SUSD2: variants seen among roughly 807,000 people sequenced by gnomAD.
SUSD2 encodes sushi domain-containing protein 2.
SUSD2 carries 86 observed loss-of-function variants against 93.8 expected under a neutral mutation model. The observed-to-expected ratio is 0.92, with a 90% CI of 0.77 to 1.10. SUSD2 has a LOEUF of 1.10. Among genes scored for constraint, SUSD2 ranks in the 50% least tolerant of loss-of-function variants. The probability of loss-of-function intolerance (pLI) is 0.00; values close to 1 mark genes in which losing one functional copy is unlikely to be tolerated. For synonymous variants in SUSD2, 483 were observed against 485.0 expected (o/e 1.00, Z 0.05); for missense variants, 1,060 against 1,137.0 (o/e 0.93, Z 0.97).
intron 10 of SUSD2, chr22:24,186,939 A>G: frequency 1.8e-6 from 1 of 553,732 alleles, no homozygotes; most frequent in Non-Finnish European, 3.2e-6. Context: ...GCTGCAGCCA[A>G]GGCCAGAGGG....
intron 12 of SUSD2, 56 bp from the exon 13 acceptor site, chr22:24,187,903 G>A: frequency 6.2e-7 from 1 of 1,605,772 alleles, no homozygotes; most frequent in Non-Finnish European, 8.5e-7. Context: ...GGGGTGGCCA[G>A]ATGTGTGTAT....
intron 1 of SUSD2, among the ~76,000 whole-genome samples, chr22:24,181,919 G>A (rs768315550): frequency 1.3e-5 from 2 of 152,180 alleles, no homozygotes; most frequent in Non-Finnish European, 2.9e-5. Context: ...TCAGGGTGGG[G>A]CTGAATCCAG....
Position 24,183,238 on chromosome 22 carries a change from C to T in SUSD2, c.258C>T (p.Ser86=). 1 of 1,613,576 alleles carries T rather than the reference C, an allele frequency of 6.2e-7. No homozygotes were observed. Among genetic ancestry groups the T allele is most frequent in the South Asian group, 1.1e-5 (1 of 91,064 alleles). The change falls in exon 2 of 15, where the codon TCC becomes TCT. Residue 86 remains serine, a synonymous_variant. Transcript: ENST00000358321. The part of the protein sequence containing the change: ...KDFVVRHFKM[S]SPTDASVICR... ...TTGTGGTGCGGCACTTCAAGATGTCCAGCCCCACAGACGCCAGTGTGATCT... is the reference window on the plus strand; with the variant it reads ...TTGTGGTGCGGCACTTCAAGATGTCTAGCCCCACAGACGCCAGTGTGATCT...
chr22:24,184,173 G>C lies in SUSD2; in HGVS notation c.477G>C (p.Glu159Asp), dbSNP rs1380115753. The C allele has an allele frequency of 6.2e-7, 1 of 1,612,898 alleles. No individual in the cohort carries two copies. Among genetic ancestry groups the C allele is most frequent in the Admixed American group, 1.7e-5 (1 of 60,030 alleles). Residue 159 changes from glutamate (E) to aspartate (D), a missense_variant, in exon 4 of 15, where the codon GAG becomes GAC. Around this residue, in one of 2 missense-constraint regions of SUSD2, gnomAD observed 973 missense variants for 1,005.3 expected, o/e 0.97. Transcript: ENST00000358321. ...AAGTGTCAATGATGGAGAAGAGCGA[G>C]TTGGTGAACGAGACGCGTTGGCAAT... ...PNKVSMMEKS[E>D]LVNETRWQYY...
intron 1 of SUSD2, 59 bp downstream of exon 1, chr22:24,181,654 C>T (rs910940104): frequency 1.5e-6 from 2 of 1,358,786 alleles, no homozygotes; most frequent in Non-Finnish European, 2.0e-6. Context: ...GCAGCCAGGC[C>T]TGGGCTGACA....
At chr22:24,183,455 T>TCTGGCTCA (rs764478060) in intron 2 of SUSD2, 40 bp from the exon 3 acceptor site, 1 of 1,591,522 alleles carries the variant, frequency 6.3e-7, no homozygotes, top group Admixed American at 1.7e-5. Flanking sequence ...AGGCTCAGCC[T>TCTGGCTCA]GCAATGACCC....
At chr22:24,183,869 AG>A in intron 3 of SUSD2, 1 of 652,318 alleles carries the variant, frequency 1.5e-6, no homozygotes, top group Non-Finnish European at 2.6e-6. Context: ...GTCCCTAGAG[AG>A]GTGGGCCAGT....
In SUSD2 at chr22:24,185,132, C is replaced by A. The variant is rs746822092; in HGVS notation, c.821C>A (p.Ala274Asp). Reference sequence around the variant, plus strand: ...CTCTGGACCAACGACCACGCACTGGCCTGGCACCTGAGCGATGACTTCCGA... The same window carrying A: ...CTCTGGACCAACGACCACGCACTGGACTGGCACCTGAGCGATGACTTCCGA... The part of the protein sequence containing the change: ...QALWTNDHAL[A>D]WHLSDDFRED... The change falls in exon 6 of 15, where the codon GCC becomes GAC. Residue 274 changes from alanine to aspartate, a missense_variant. By Grantham distance (126) the Ala-to-Asp change is moderately radical. Coordinates refer to ENST00000358321, the MANE Select transcript of SUSD2 (RefSeq NM_019601.4). 2.5e-6 allele frequency: 4 copies of A among 1,612,854 alleles called. No individual in the cohort carries two copies. Among genetic ancestry groups the A allele is most frequent in the Non-Finnish European group, 3.4e-6 (4 of 1,179,796 alleles).
At position 24,187,627 on chromosome 22, in the gene SUSD2, A is replaced by C. The variant is rs1430059182; in HGVS notation, c.1948A>C (p.Asn650His). The C allele has an allele frequency of 6.2e-7, 1 of 1,613,668 alleles. No individual in the cohort carries two copies. The highest frequency in any genetic ancestry group is 1.1e-5 in the South Asian group (1 of 91,054). ...LTYDSWFLVH[N>H]FLYQPKHDPT... ...CTACGATTCCTGGTTCCTGGTCCAC[A>C]ACTTCCTGTACCAACCCAAGCACGA... Residue 650 changes from asparagine to histidine, a missense_variant, in exon 12 of 15, where the codon AAC becomes CAC. Asn to His is a moderately conservative substitution (Grantham distance 68, BLOSUM62 1). This residue lies in a region of SUSD2 where 973 missense variants were observed against 1,005.3 expected (regional missense o/e 0.97). Coordinates refer to ENST00000358321, the MANE Select transcript of SUSD2 (RefSeq NM_019601.4).
At position 24,181,884 on chromosome 22, in the gene SUSD2, G is replaced by T. The variant is rs532959113; in HGVS notation, c.76+289G>T. 7.2e-5 allele frequency among the ~76,000 whole-genome samples: 11 copies of T among 152,324 alleles called. No homozygotes were observed. In the South Asian group the frequency reaches 1.9e-3, roughly 26 times the overall value. On this transcript the variant is annotated intron_variant, in intron 1 of 14. Transcript: ENST00000358321. ...GCCCTGACAGGGCGGGATCACGGAGGGGGAGCCAGGATTGTGGGTCCTCAT... is the reference window on the plus strand; with the variant it reads ...GCCCTGACAGGGCGGGATCACGGAGTGGGAGCCAGGATTGTGGGTCCTCAT...
chr22:24,181,773 G>A (rs1223057604), intron 1 of SUSD2, among the ~76,000 whole-genome samples, 178 bp downstream of exon 1: 1 of 152,198 alleles, frequency 6.6e-6, no homozygotes, highest in African/African-American at 2.4e-5. Flanking sequence ...ATGGGGATGG[G>A]AGGTCTGAGC....
chr22:24,185,239 C>A lies in SUSD2; in HGVS notation c.928C>A (p.Leu310Met), dbSNP rs3752497. The A allele has an allele frequency of 7.5e-6, 12 of 1,607,856 alleles. No homozygotes were observed. Among genetic ancestry groups the A allele is most frequent in the Non-Finnish European group, 1.0e-5 (12 of 1,179,910 alleles). The change falls in exon 6 of 15, where the codon CTG (leucine) becomes ATG (methionine). Residue 310 changes from leucine (L) to methionine (M), a missense_variant. By Grantham distance (15) the Leu-to-Met change is conservative (BLOSUM62 2). Around this residue, in one of 2 missense-constraint regions of SUSD2, gnomAD observed 973 missense variants for 1,005.3 expected, o/e 0.97. Coordinates refer to ENST00000358321, the MANE Select transcript of SUSD2 (RefSeq NM_019601.4). ...TCAGCTGCCCAACTTCCTGGAGGAG[C>A]TGCCGGACTGCCCCTGCACCCTGAC... ...EDQLPNFLEE[L>M]PDCPCTLTQA...
At chr22:24,186,850 G>A (rs1041447936) in intron 10 of SUSD2, 1 of 426,648 alleles carries the variant, frequency 2.3e-6, no homozygotes, top group Non-Finnish European at 4.3e-6. Flanking sequence ...TTCCTGGTTG[G>A]GATGGGTGAG....
chr22:24,186,145 G>A lies in SUSD2; in HGVS notation c.1469G>A (p.Gly490Glu). 1.2e-6 allele frequency: 2 copies of A among 1,609,970 alleles called. No individual in the cohort carries two copies. The highest frequency in any genetic ancestry group is 8.5e-7 in the Non-Finnish European group (1 of 1,178,284). ...AGGGTGCAGGCGCGGGCCCAGCCCG[G>A]GACGATGTCCAACGGTGAGGCCAGG... ...DLRVQARAQP[G>E]TMSNGTETRG... Residue 490 changes from glycine (G) to glutamate (E), a missense_variant, in exon 9 of 15, where the codon GGG (glycine) becomes GAG (glutamate). This residue lies in a region of SUSD2 where 973 missense variants were observed against 1,005.3 expected (regional missense o/e 0.97). Transcript: ENST00000358321.
intron 2 of SUSD2, 22 bp from the exon 3 acceptor site, chr22:24,183,473 C>CCCA (rs752179303): frequency 6.2e-7 from 1 of 1,602,540 alleles, no homozygotes; most frequent in South Asian, 1.1e-5. Context: ...CCCAGCCCCT[C>CCCA]CCACCACCAC....
Position 24,188,315 on chromosome 22 carries a change from G to A in SUSD2, c.2432G>A (p.Arg811Lys). The A allele has an allele frequency of 1.9e-6, 3 of 1,606,320 alleles. No individual in the cohort carries two copies. The highest frequency in any genetic ancestry group is 2.5e-6 in the Non-Finnish European group (3 of 1,176,892). Residue 811 changes from arginine to lysine, a missense_variant, in exon 14 of 15, where the codon AGG (arginine) becomes AAG (lysine). Physicochemically the swap from Arg to Lys is conservative, Grantham distance 26 (BLOSUM62 2). Transcript: ENST00000358321. This position sits in a 1 kb window ranked among gnomAD's most constrained non-coding sequence, Gnocchi z 4.7. ...CTCGTCTATGTGCTGCTGCGCCGCA[G>A]GAAGGGCAACACGTGAGACCCCCCA... Reference protein sequence around the residue: ...VALVYVLLRRRKGNTHVWGAQ... With the variant: ...VALVYVLLRRKKGNTHVWGAQ...
Position 24,186,130 on chromosome 22 carries a change from C to T in SUSD2, c.1454C>T (p.Ala485Val), listed in dbSNP as rs116820424. 504 of 1,611,184 alleles carry T rather than the reference C, an allele frequency of 3.1e-4. 3 individuals carry two copies. The East Asian group carries it at 7.4e-3, about 24-fold the overall frequency. ...GCGCTGACCGACCTGAGGGTGCAGG[C>T]GCGGGCCCAGCCCGGGACGATGTCC... ...EAALTDLRVQARAQPGTMSNG... is the reference protein window; with the variant it reads ...EAALTDLRVQVRAQPGTMSNG... Residue 485 changes from alanine (A) to valine (V), a missense_variant, in exon 9 of 15, where the codon GCG becomes GTG. Transcript: ENST00000358321.
Position 24,187,943 on chromosome 22 carries a change from T to A in SUSD2, c.2165-16T>A. 6.2e-7 allele frequency: 1 copy of A among 1,612,266 alleles called. No homozygotes were observed. The highest frequency in any genetic ancestry group is 1.7e-4 in the Middle Eastern group (1 of 6,060). On this transcript the variant is annotated splice_polypyrimidine_tract_variant and intron_variant, in intron 12 of 14. Coordinates refer to ENST00000358321, the MANE Select transcript of SUSD2 (RefSeq NM_019601.4). ...GGCAGCTCAGGCCTGTTGTCTGCAC[T>A]CTGTCCCCATCCCAGTGGTGTCCTG...
Position 24,184,750 on chromosome 22 carries a change from G to A in SUSD2, c.608-16G>A, listed in dbSNP as rs2047349079. Reference sequence around the variant, plus strand: ...TCGAAGGAACCCCAGGGCTAACCAGGCATCCTCTCCCTCAGGAATGCCCTA... The same window carrying A: ...TCGAAGGAACCCCAGGGCTAACCAGACATCCTCTCCCTCAGGAATGCCCTA... On this transcript the variant is annotated splice_polypyrimidine_tract_variant and intron_variant, in intron 4 of 14. Transcript: ENST00000358321. 1 of 1,560,066 alleles carries A rather than the reference G, an allele frequency of 6.4e-7. No homozygotes were observed. Among genetic ancestry groups the A allele is most frequent in the African/African-American group, 1.4e-5 (1 of 73,050 alleles).
Sources: allele counts gnomAD v4.1 joint callset (sites outside exome capture counted in the v4.1 genomes callset), GRCh38; gene constraint gnomAD v4.1.1; regional missense constraint gnomAD v4.1.1; non-coding constraint Gnocchi (gnomAD v3.1); transcripts MANE v1.5; gene names NCBI Gene and HGNC (gene_info 2026-07-23, HGNC 2026-07-21).